Variants in RUVBL2 observed in about 807,000 individuals in gnomAD.
RUVBL2 encodes ruvB-like 2.
A neutral mutation model predicts 57.9 loss-of-function variants in RUVBL2; 9 were observed. The observed-to-expected ratio is 0.16, with a 90% CI of 0.09 to 0.27. The LOEUF (loss-of-function observed/expected upper bound fraction) is 0.27. RUVBL2 is among the 10% of genes least tolerant of loss of function. The probability of loss-of-function intolerance (pLI) is 1.00; values close to 1 mark genes in which losing one functional copy is unlikely to be tolerated. For missense variants in RUVBL2, 456 were observed against 669.6 expected (o/e 0.68, Z 3.52); for synonymous variants, 278 against 264.6 (o/e 1.05, Z -0.49).
At chr19:49,015,719 G>C (rs1335421199) in intron 14 of RUVBL2, 33 bp downstream of exon 14, 1 of 1,611,804 alleles carries the variant, frequency 6.2e-7, no homozygotes, top group African/African-American at 1.3e-5. Flanking sequence ...TGCACTGCCA[G>C]AGCCAACCTC....
At chr19:49,014,956 G>C in intron 12 of RUVBL2, 65 bp from the exon 13 acceptor site, 1 of 1,547,770 alleles carries the variant, frequency 6.5e-7, no homozygotes, top group Non-Finnish European at 8.7e-7. Flanking sequence ...GGTTGCTGTG[G>C]CCACTTCTGC....
chr19:49,014,955 G>A (rs1894084672), intron 12 of RUVBL2, 66 bp from the exon 13 acceptor site: 1 of 1,546,402 alleles, frequency 6.5e-7, no homozygotes, highest in African/African-American at 1.4e-5. Flanking sequence ...GGGTTGCTGT[G>A]GCCACTTCTG....
rs547397771 is a variant in RUVBL2 at position 49,011,133 on chromosome 19, G to A, written c.882+40G>A. 6.6e-7 allele frequency: 1 copy of A among 1,505,306 alleles called. No homozygotes were observed. The highest frequency in any genetic ancestry group is 1.1e-5 in the South Asian group (1 of 88,510). The allele number at this position is 1,505,306 out of a possible 1,614,324, so 93.2% of individuals were successfully genotyped here. On this transcript the variant is annotated intron_variant, in intron 10 of 14. Coordinates refer to ENST00000595090, the MANE Select transcript of RUVBL2 (RefSeq NM_006666.3). This position sits in a 1 kb window ranked among gnomAD's most constrained non-coding sequence, Gnocchi z 4.4. ...CATGGCCGGGGCGGGTGGTGGGGTG[G>A]AGGTGGGCCGGGGAAGTGGGGACGC...
Position 49,007,086 on chromosome 19 carries a change from G to A in RUVBL2, c.334G>A (p.Glu112Lys). Reference sequence around the variant, plus strand: ...CGCCGGCAGTGAAATCTTCTCCCTGGAGATGAGCAAGACCGAGGCGCTGAC... The same window carrying A: ...CGCCGGCAGTGAAATCTTCTCCCTGAAGATGAGCAAGACCGAGGCGCTGAC... ...AIAGSEIFSL[E>K]MSKTEALTQA... Residue 112 changes from glutamate to lysine, a missense_variant, in exon 5 of 15, where the codon GAG (glutamate) becomes AAG (lysine). Physicochemically the swap from Glu to Lys is moderately conservative, Grantham distance 56. Around this residue, in one of 5 missense-constraint regions of RUVBL2, gnomAD observed 233 missense variants for 306.0 expected, o/e 0.76. Coordinates refer to ENST00000595090, the MANE Select transcript of RUVBL2 (RefSeq NM_006666.3). The A allele has an allele frequency of 6.2e-7, 1 of 1,613,296 alleles. No homozygotes were observed. Among genetic ancestry groups the A allele is most frequent in the Non-Finnish European group, 8.5e-7 (1 of 1,180,044 alleles).
Position 49,015,925 on chromosome 19 carries a change from C to G in RUVBL2, c.*83C>G, listed in dbSNP as rs2122669807. On this transcript the variant is annotated 3_prime_UTR_variant, in exon 15 of 15. Transcript: ENST00000595090. Reference sequence around the variant, plus strand: ...TCTGTATAAAATGGTTGGGAAGCTGCACCCACCCTGTGTATGTGTGGTTGC... The same window carrying G: ...TCTGTATAAAATGGTTGGGAAGCTGGACCCACCCTGTGTATGTGTGGTTGC... 1.2e-6 allele frequency: 2 copies of G among 1,614,000 alleles called. No individual in the cohort carries two copies. The highest frequency in any genetic ancestry group is 1.7e-6 in the Non-Finnish European group (2 of 1,179,842).
chr19:49,005,443 C>G (rs940880667), intron 4 of RUVBL2, among the ~76,000 whole-genome samples: 5 of 152,182 alleles, frequency 3.3e-5, no homozygotes, highest in African/African-American at 7.2e-5. Flanking sequence ...GAGGAGGCTC[C>G]TGACCTTGGT....
At chr19:49,005,654 T>G (rs140646381) in intron 4 of RUVBL2, among the ~76,000 whole-genome samples, 1 of 152,040 alleles carries the variant, frequency 6.6e-6, no homozygotes, top group African/African-American at 2.4e-5. Context: ...TTTTTTTTTT[T>G]TGAGACAGTT....
intron 11 of RUVBL2, among the ~76,000 whole-genome samples, chr19:49,013,477 A>G (rs2039476612): frequency 6.6e-6 from 1 of 151,962 alleles, no homozygotes; most frequent in Non-Finnish European, 1.5e-5. Context: ...CTAGTATCCT[A>G]AGTGCAAGGA....
chr19:49,007,269 C>T (rs1392459074), intron 5 of RUVBL2, 33 bp from the exon 6 acceptor site: 3 of 1,610,244 alleles, frequency 1.9e-6, no homozygotes, highest in Non-Finnish European at 2.5e-6. Context: ...GTCCAGGTGT[C>T]AGGCTGTCTC....
intron 1 of RUVBL2, chr19:48,994,951 T>G (rs904316455): frequency 7.3e-5 from 11 of 151,378 alleles, no homozygotes; most frequent in African/African-American, 2.7e-4. Context: ...GACCTGAACT[T>G]AGGGACTGGG....
At chr19:48,997,597 C>T (rs371319446) in intron 1 of RUVBL2, among the ~76,000 whole-genome samples, 2 of 149,638 alleles carry the variant, frequency 1.3e-5, no homozygotes, top group East Asian at 3.9e-4. Context: ...CCATTGCACT[C>T]CAGCCTAGGT....
chr19:48,993,826 A>C, upstream of RUVBL2: 1 of 1,543,110 alleles, frequency 6.5e-7, no homozygotes, highest in South Asian at 1.1e-5. Flanking sequence ...GAGATCTTTG[A>C]AGAACCAGCT....
intron 13 of RUVBL2, 160 bp downstream of exon 13, chr19:49,015,310 T>C (rs2039523464): frequency 1.5e-5 from 14 of 948,910 alleles, no homozygotes; most frequent in Non-Finnish European, 2.2e-5. Flanking sequence ...GCCTGGCCTA[T>C]AGTAGGTATC....
chr19:49,015,438 G>A (rs2039526835), intron 13 of RUVBL2, 134 bp from the exon 14 acceptor site: 2 of 783,912 alleles, frequency 2.6e-6, no homozygotes, highest in Middle Eastern at 3.5e-4. Flanking sequence ...TTGAACCCAG[G>A]CAATCTGGCC....
Position 49,010,994 on chromosome 19 carries a change from C to A in RUVBL2, c.788-5C>A. ...CTTCCCTGATGCAACCTGTGCCTCC[C>A]ATAGGTGACACAGGGGAGATCAAGT... On this transcript the variant is annotated splice_polypyrimidine_tract_variant and splice_region_variant and intron_variant, in intron 9 of 14. Transcript: ENST00000595090. 1 of 1,609,694 alleles carries A rather than the reference C, an allele frequency of 6.2e-7. No homozygotes were observed. The highest frequency in any genetic ancestry group is 1.1e-5 in the South Asian group (1 of 89,716).
At chr19:49,010,467 T>TTCC in intron 8 of RUVBL2, 21 bp from the exon 9 acceptor site, 1 of 1,401,204 alleles carries the variant, frequency 7.1e-7, no homozygotes, top group South Asian at 1.2e-5. Context: ...CCGCCGTTCT[T>TTCC]CCCCCACCCC....
chr19:49,015,402 A>G lies in RUVBL2; in HGVS notation c.1252-170A>G, dbSNP rs1167362525. On this transcript the variant is annotated intron_variant, in intron 13 of 14. Transcript: ENST00000595090. Reference sequence around the variant, plus strand: ...ACTGAGGAATGAAGAGGCTGGGCCCACAACAAGGAGATGGCCAGGCAGGAT... The same window carrying G: ...ACTGAGGAATGAAGAGGCTGGGCCCGCAACAAGGAGATGGCCAGGCAGGAT... 9.8e-6 allele frequency: 7 copies of G among 714,034 alleles called. No homozygotes were observed. The African/African-American group carries it at 1.1e-4, about 11-fold the overall frequency. The allele number at this position is 714,034 out of a possible 1,614,324, so 44.2% of individuals were successfully genotyped here.
chr19:48,999,827 G>T (rs189066067), intron 2 of RUVBL2, among the ~76,000 whole-genome samples: 1 of 152,230 alleles, frequency 6.6e-6, no homozygotes, highest in South Asian at 2.1e-4. Flanking sequence ...CGCAGTAGCC[G>T]CATGAGGTGC....
At chr19:48,994,041 C>T (rs2039001334) in intron 1 of RUVBL2, 118 bp downstream of exon 1, 7 of 1,243,570 alleles carry the variant, frequency 5.6e-6, no homozygotes, top group Non-Finnish European at 8.0e-6. Context: ...GGTTCAGACT[C>T]CTGGGTCTGA....
Sources: gnomAD v4.1 joint callset for allele counts (sites outside exome capture counted in the v4.1 genomes callset) on GRCh38, gnomAD v4.1.1 for gene constraint, gnomAD v4.1.1 regional missense constraint, Gnocchi (gnomAD v3.1) non-coding constraint, MANE v1.5 for transcripts, NCBI Gene and HGNC (gene_info 2026-07-23, HGNC 2026-07-21) for gene names.